TCF4: variants seen among roughly 807,000 people sequenced by gnomAD.
TCF4 encodes the protein transcription factor 4.
A neutral mutation model predicts 82.1 loss-of-function variants in TCF4; 3 were observed. That is an observed-to-expected ratio of 0.04 (90% CI 0.02 to 0.09). TCF4 has a LOEUF of 0.09. Among genes scored for constraint, TCF4 ranks in the 10% least tolerant of loss-of-function variants. The pLI is 1.00. For missense variants in TCF4, 518 were observed against 852.7 expected (o/e 0.61, Z 4.89); for synonymous variants, 276 against 309.6 (o/e 0.89, Z 1.14).
At chr18:55,616,469 G>A (rs1333586391) in intron 2 of TCF4, among the ~76,000 whole-genome samples, 1 of 152,004 alleles carries the variant, frequency 6.6e-6, no homozygotes, top group Non-Finnish European at 1.5e-5. Flanking sequence ...CAGTTCTTTT[G>A]GATATATACC....
Position 55,516,100 on chromosome 18 carries a change from T to C in TCF4, c.146-51963A>G, listed in dbSNP as rs74710059. ...ATAAAAGACAAATTCCAAAGGTGTG[T>C]GTAACAGCGATCATTCAGTGATGAC... On this transcript the variant is annotated intron_variant, in intron 3 of 19. Transcript: ENST00000354452. Among the ~76,000 whole-genome samples the C allele has an allele frequency of 1.2e-3, 180 of 152,246 alleles. 1 individual carries two copies. The highest frequency in any genetic ancestry group is 4.1e-3 in the African/African-American group (171 of 41,552).
intron 6 of TCF4, among the ~76,000 whole-genome samples, chr18:55,368,653 A>G (rs1442147781): frequency 6.6e-6 from 1 of 152,232 alleles, no homozygotes; most frequent in Non-Finnish European, 1.5e-5. Flanking sequence ...GAACAGATGA[A>G]CATGGTGTAT....
At chr18:55,281,206 C>G (rs1290017146) in intron 8 of TCF4, among the ~76,000 whole-genome samples, 1 of 152,022 alleles carries the variant, frequency 6.6e-6, no homozygotes, top group Admixed American at 6.6e-5. Flanking sequence ...TTTTAAGAAA[C>G]AAAGAATAAA....
chr18:55,293,945 T>TTTTTTTTTTTTTG (rs2065787147), intron 8 of TCF4, among the ~76,000 whole-genome samples: 1 of 128,306 alleles, frequency 7.8e-6, no homozygotes, highest in Non-Finnish European at 1.7e-5. Flanking sequence ...TTTTTTTTTT[T>TTTTTTTTTTTTTG]TTTTTTTTTT....
intron 5 of TCF4, 70 bp from the exon 6 acceptor site, chr18:55,403,588 G>A (rs755464229): frequency 3.2e-5 from 51 of 1,613,548 alleles, no homozygotes; most frequent in Non-Finnish European, 4.2e-5. Flanking sequence ...CCAGGTAACA[G>A]ACATCTACTG....
chr18:55,491,898 G>A (rs1365596540), intron 3 of TCF4, among the ~76,000 whole-genome samples: 1 of 152,166 alleles, frequency 6.6e-6, no homozygotes, highest in African/African-American at 2.4e-5. Context: ...GAGAAAATGA[G>A]CATGTGTGGT....
At chr18:55,432,323 AT>A (rs777920937) in intron 5 of TCF4, among the ~76,000 whole-genome samples, 188 of 152,216 alleles carry the variant, frequency 1.2e-3, no homozygotes, top group Non-Finnish European at 2.2e-3. Context: ...AAATAAATAA[AT>A]ATGATAATCT....
intron 10 of TCF4, among the ~76,000 whole-genome samples, chr18:55,272,834 A>C (rs2060664843): frequency 6.6e-6 from 1 of 152,096 alleles, no homozygotes; most frequent in African/African-American, 2.4e-5. Flanking sequence ...ACGTTCCCTG[A>C]AGGGAAAAAC....
chr18:55,378,890 AG>A (rs2091378201), intron 6 of TCF4, among the ~76,000 whole-genome samples: 2 of 152,266 alleles, frequency 1.3e-5, no homozygotes, highest in Non-Finnish European at 2.9e-5. Context: ...GAGAAGACGT[AG>A]GGAACTTGGT....
At chr18:55,551,944 A>C (rs1053224296) in intron 3 of TCF4, among the ~76,000 whole-genome samples, 4 of 152,240 alleles carry the variant, frequency 2.6e-5, no homozygotes, top group African/African-American at 9.6e-5. Context: ...CTGGTAGACT[A>C]AAAAATGTCA....
intron 3 of TCF4, among the ~76,000 whole-genome samples, chr18:55,561,813 A>T (rs574255386): frequency 6.6e-6 from 1 of 152,326 alleles, no homozygotes; most frequent in East Asian, 1.9e-4. Flanking sequence ...TTCATTGTTT[A>T]ATTTTTCTCA....
At chr18:55,589,957 G>A (rs909921886), upstream of TCF4, 1 of 483,814 alleles carries the variant, frequency 2.1e-6, no homozygotes, top group Non-Finnish European at 2.7e-6. Flanking sequence ...CGGGAGCGGA[G>A]GCGGGTGGCT....
chr18:55,389,913 C>G (rs1173049467), intron 6 of TCF4, among the ~76,000 whole-genome samples: 2 of 151,836 alleles, frequency 1.3e-5, no homozygotes, highest in Non-Finnish European at 2.9e-5. Flanking sequence ...AAACTGAGGA[C>G]TTTTGGAGAT....
At chr18:55,251,748 T>C (rs955235324) in intron 15 of TCF4, among the ~76,000 whole-genome samples, 1 of 152,166 alleles carries the variant, frequency 6.6e-6, no homozygotes, top group Non-Finnish European at 1.5e-5. Context: ...GGTGTGTAGT[T>C]GGGAATGAGA....
chr18:55,469,814 A>C (rs964687556), intron 3 of TCF4, among the ~76,000 whole-genome samples: 1 of 152,236 alleles, frequency 6.6e-6, no homozygotes, highest in African/African-American at 2.4e-5. Context: ...CTACGAAATA[A>C]GCAAGTTTGA....
rs758197903 is a variant in TCF4, at chr18:55,227,197, T to C, written c.*838A>G. On this transcript the variant is annotated 3_prime_UTR_variant, in exon 20 of 20. Transcript: ENST00000354452. Reference sequence around the variant, plus strand: ...CTGCACTACCCCTCTGGAAGCAGAGTTGGCACTACAGGTTACGATAACAAA... The same window carrying C: ...CTGCACTACCCCTCTGGAAGCAGAGCTGGCACTACAGGTTACGATAACAAA... 6.6e-6 allele frequency: 1 copy of C among 151,406 alleles called. No homozygotes were observed. The highest frequency in any genetic ancestry group is 1.5e-5 in the Non-Finnish European group (1 of 67,828). The allele number at this position is 151,406 out of a possible 1,614,324, so 9.4% of individuals were successfully genotyped here. A position where few individuals can be genotyped will look rare whatever the true frequency, so the allele number is the denominator to read the frequency against.
At chr18:55,588,217 T>A (rs1307006497), upstream of TCF4, 1 of 1,370,706 alleles carries the variant, frequency 7.3e-7, no homozygotes, top group Non-Finnish European at 9.4e-7. Context: ...GATCCCTGAC[T>A]CTTAACACCA....
At chr18:55,383,144 AC>A (rs1292034572) in intron 6 of TCF4, among the ~76,000 whole-genome samples, 1 of 152,182 alleles carries the variant, frequency 6.6e-6, no homozygotes, top group Non-Finnish European at 1.5e-5. Flanking sequence ...TAATGACGCT[AC>A]CTTTCGCCAA....
At chr18:55,306,690 C>T (rs2070463367) in intron 8 of TCF4, among the ~76,000 whole-genome samples, 1 of 152,192 alleles carries the variant, frequency 6.6e-6, no homozygotes. Flanking sequence ...GTATTTGTTA[C>T]TTTGCTAGTG....
Sources: allele counts gnomAD v4.1 joint callset (sites outside exome capture counted in the v4.1 genomes callset), GRCh38; gene constraint gnomAD v4.1.1; transcripts MANE v1.5; gene names NCBI Gene and HGNC (gene_info 2026-07-23, HGNC 2026-07-21).